The following SGSM1 variants were observed in gnomAD, a reference collection of about 807,000 sequenced individuals.
SGSM1 encodes small G protein signaling modulator 1.
Under a neutral mutation model 133.8 loss-of-function variants are expected in SGSM1, and 73 were observed. The observed-to-expected ratio is 0.55, with a 90% CI of 0.45 to 0.66. SGSM1 has a LOEUF of 0.66. Ranked by LOEUF, SGSM1 falls within the 30% of genes least tolerant of loss-of-function variation. The pLI is 0.00. For synonymous variants in SGSM1, 563 were observed against 573.0 expected, an observed-to-expected ratio of 0.98 and a Z score of 0.25; for missense variants, 1,213 against 1,448.1, an observed-to-expected ratio of 0.84 and a Z score of 2.64.
intron 12 of SGSM1, chr22:24,874,315 G>A: frequency 8.0e-7 from 1 of 1,244,666 alleles, no homozygotes; most frequent in East Asian, 2.6e-5. Context: ...CGGGAAGGGG[G>A]AGGGTTGGAG....
At chr22:24,836,957 C>T (rs999981636) in intron 2 of SGSM1, among the ~76,000 whole-genome samples, 2 of 152,204 alleles carry the variant, frequency 1.3e-5, no homozygotes, top group Non-Finnish European at 2.9e-5. Context: ...TTTTGTTGCT[C>T]ATGCATTTGG....
intron 22 of SGSM1, among the ~76,000 whole-genome samples, chr22:24,913,306 A>AG (rs1412983191): frequency 2.7e-5 from 4 of 147,776 alleles, no homozygotes; most frequent in African/African-American, 9.7e-5. Flanking sequence ...AAAAAAAAAA[A>AG]AAAAGAAAGA....
At chr22:24,877,520 G>A (rs565425793) in intron 13 of SGSM1, among the ~76,000 whole-genome samples, 9 of 152,238 alleles carry the variant, frequency 5.9e-5, no homozygotes, top group Admixed American at 2.6e-4. Flanking sequence ...GGCCTGGCCT[G>A]AGAAAATAGA....
Position 24,898,028 on chromosome 22 carries a change from G to A in SGSM1, c.2079G>A (p.Glu693=). The part of the protein sequence containing the change: ...EQVEAEGRLE[E]KQPKIPNGNL... Reference sequence around the variant, plus strand: ...TGGAGGCTGAAGGCAGATTGGAGGAGAAACAGCCCAAGATCCCCAATGGGA... The same window carrying A: ...TGGAGGCTGAAGGCAGATTGGAGGAAAAACAGCCCAAGATCCCCAATGGGA... The change falls in exon 19 of 25, where the codon GAG becomes GAA. Residue 693 remains glutamate (E), a synonymous_variant. Transcript: ENST00000400358. The A allele has an allele frequency of 1.2e-6, 2 of 1,613,326 alleles. No individual in the cohort carries two copies. The highest frequency in any genetic ancestry group is 1.7e-6 in the Non-Finnish European group (2 of 1,179,606).
chr22:24,908,127 CT>C (rs1933472437), intron 21 of SGSM1, among the ~76,000 whole-genome samples: 1 of 151,808 alleles, frequency 6.6e-6, no homozygotes, highest in African/African-American at 2.4e-5. Context: ...GAAAAACAGT[CT>C]TCTCAACTTA....
chr22:24,833,419 G>A (rs1929235140), intron 2 of SGSM1, among the ~76,000 whole-genome samples: 1 of 151,914 alleles, frequency 6.6e-6, no homozygotes, highest in South Asian at 2.1e-4. Flanking sequence ...CAGCACTTTG[G>A]GAGGCTGAGG....
At chr22:24,851,442 G>A (rs1163495889) in intron 5 of SGSM1, among the ~76,000 whole-genome samples, 1 of 137,456 alleles carries the variant, frequency 7.3e-6, no homozygotes, top group Non-Finnish European at 1.5e-5. Context: ...GGGAGGGGGG[G>A]GTGGGGGGAG....
chr22:24,859,096 G>A (rs956927684), intron 8 of SGSM1, among the ~76,000 whole-genome samples: 7 of 152,236 alleles, frequency 4.6e-5, no homozygotes, highest in Non-Finnish European at 5.9e-5. Context: ...AGGCTGAGCC[G>A]TGATTGGGAC....
In SGSM1 at chr22:24,859,808, C is replaced by T. The variant is rs774284300; in HGVS notation, c.894C>T (p.Asn298=). ...AGTGGACACCCAACCAGCTGATGAA[C>T]GGGTCTGTGGGGGACCTGGACTATG... is the stretch of plus-strand genomic sequence containing the variant. ...TLKWTPNQLM[N]GSVGDLDYEK... Residue 298 remains asparagine, a synonymous_variant, in exon 9 of 25, where the codon AAC becomes AAT. Transcript: ENST00000400358. 1.2e-5 allele frequency: 20 copies of T among 1,613,762 alleles called. No homozygotes were observed. The highest frequency in any genetic ancestry group is 8.9e-5 in the East Asian group (4 of 44,884).
At chr22:24,863,768 T>C (rs930518360) in intron 9 of SGSM1, among the ~76,000 whole-genome samples, 6 of 148,312 alleles carry the variant, frequency 4.0e-5, no homozygotes, top group African/African-American at 1.5e-4. Context: ...TGAGATGGAG[T>C]TTCGCTCTTG....
chr22:24,849,986 T>C (rs16979077), intron 4 of SGSM1, among the ~76,000 whole-genome samples: 3,263 of 152,260 alleles, frequency 0.021, 56 homozygotes, highest in East Asian at 0.088. Flanking sequence ...GAAGGATCTA[T>C]ACTCCAAGAC....
chr22:24,824,245 G>A (rs1296611779), intron 2 of SGSM1, among the ~76,000 whole-genome samples: 1 of 152,208 alleles, frequency 6.6e-6, no homozygotes, highest in Non-Finnish European at 1.5e-5. Flanking sequence ...GGAGGGGACT[G>A]CATGGGCAAG....
At chr22:24,912,564 T>C in intron 21 of SGSM1, 79 bp from the exon 22 acceptor site, 1 of 925,716 alleles carries the variant, frequency 1.1e-6, no homozygotes. Context: ...TATTTCAACA[T>C]GAGATTTGGA....
At chr22:24,916,992 C>G (rs1933840517) in intron 22 of SGSM1, among the ~76,000 whole-genome samples, 1 of 151,622 alleles carries the variant, frequency 6.6e-6, no homozygotes, top group Admixed American at 6.6e-5. Context: ...GATCCTCCCA[C>G]TTTAGCCTCC....
At chr22:24,874,541 C>G (rs1366679173) in intron 12 of SGSM1, 1 of 1,611,266 alleles carries the variant, frequency 6.2e-7, no homozygotes. Flanking sequence ...AGATGGGACA[C>G]TACTCTCCCC....
At position 24,854,981 on chromosome 22, in the gene SGSM1, C is replaced by T. The variant is rs746182661; in HGVS notation, c.456-15C>T. On this transcript the variant is annotated splice_polypyrimidine_tract_variant and intron_variant, in intron 5 of 24. Transcript: ENST00000400358. ...TGGTCTCCATCCAAACCTGCATATT[C>T]TCTCCTCTTGCTAGTAAATACTATG... 1.2e-5 allele frequency: 19 copies of T among 1,610,484 alleles called. No homozygotes were observed. The highest frequency in any genetic ancestry group is 1.6e-5 in the Non-Finnish European group (19 of 1,177,744).
At chr22:24,918,856 C>T (rs949469940) in intron 23 of SGSM1, among the ~76,000 whole-genome samples, 6 of 151,848 alleles carry the variant, frequency 4.0e-5, no homozygotes, top group African/African-American at 7.3e-5. Flanking sequence ...CTCAGCCTCC[C>T]GAGTAGCTGG....
intron 2 of SGSM1, among the ~76,000 whole-genome samples, chr22:24,842,580 AAC>A (rs147443396): frequency 0.012 from 1,816 of 152,302 alleles, 32 homozygotes; most frequent in African/African-American, 0.041. Context: ...AAAGCAAGGA[AAC>A]ACAGAATGGT....
chr22:24,870,790 C>A (rs896617291), intron 12 of SGSM1, among the ~76,000 whole-genome samples: 2 of 152,224 alleles, frequency 1.3e-5, no homozygotes, highest in African/African-American at 4.8e-5. Flanking sequence ...GTATCAATAT[C>A]CCAGCTCACT....
Sources: gnomAD v4.1 joint callset for allele counts (sites outside exome capture counted in the v4.1 genomes callset) on GRCh38, gnomAD v4.1.1 for gene constraint, MANE v1.5 for transcripts, NCBI Gene and HGNC (gene_info 2026-07-23, HGNC 2026-07-21) for gene names.